LARP1B: variants seen among roughly 807,000 people sequenced by gnomAD.
LARP1B encodes the protein La ribonucleoprotein 1B.
In LARP1B, 76 loss-of-function variants were observed where a neutral mutation model predicts 114.2. The ratio of observed to expected loss-of-function variants is 0.67; its 90% CI spans 0.55 to 0.81. The LOEUF (loss-of-function observed/expected upper bound fraction) is 0.81. Ranked by LOEUF, LARP1B falls within the 30% of genes least tolerant of loss-of-function variation. LARP1B has a pLI of 0.00. For missense variants in LARP1B, 1,014 were observed against 1,075.8 expected (o/e 0.94, Z 0.80); for synonymous variants, 345 against 348.0 (o/e 0.99, Z 0.10).
At chr4:128,123,266 A>AG in intron 11 of LARP1B, 4 of 985,438 alleles carry the variant, frequency 4.1e-6, no homozygotes, top group Non-Finnish European at 4.8e-6. Flanking sequence ...GAGCCTTAGC[A>AG]GTTCTCTGCC....
At chr4:128,216,753 A>G (rs2150982514), downstream of LARP1B, among the ~76,000 whole-genome samples, 1 of 152,122 alleles carries the variant, frequency 6.6e-6, no homozygotes, top group East Asian at 1.9e-4. Flanking sequence ...GCAAGAGCAA[A>G]CACATTCAAA....
intron 12 of LARP1B, among the ~76,000 whole-genome samples, chr4:128,167,342 T>C (rs1211539688): frequency 6.6e-6 from 1 of 152,046 alleles, no homozygotes; most frequent in Admixed American, 6.6e-5. Context: ...CCTTTTCATA[T>C]ACCTGTTGGC....
intron 3 of LARP1B, 54 bp downstream of exon 3, chr4:128,075,047 C>A: frequency 7.1e-6 from 8 of 1,121,120 alleles, no homozygotes; most frequent in South Asian, 1.3e-5. Flanking sequence ...GTATTCATTT[C>A]GACATGCAGA....
At chr4:128,098,543 T>C (rs1340167087) in intron 8 of LARP1B, among the ~76,000 whole-genome samples, 2 of 151,138 alleles carry the variant, frequency 1.3e-5, no homozygotes, top group Non-Finnish European at 2.9e-5. Flanking sequence ...ACTGTGTATT[T>C]TCTCCTTCCC....
intron 11 of LARP1B, chr4:128,123,772 TAAC>T (rs1788725832): frequency 1.1e-6 from 1 of 909,870 alleles, no homozygotes. Flanking sequence ...GTCTGCCAAG[TAAC>T]AAATTTGTAA....
Position 128,098,317 on chromosome 4 carries a change from A to G in LARP1B, c.800A>G (p.Asn267Ser). ...GTTCAGGCTCTCACTACAAACCTTA[A>G]TCTCATCTTAGAGGTAATTGCTCAT... ...QRVQALTTNL[N>S]LILEALKDST... The change falls in exon 8 of 20, where the codon AAT (asparagine) becomes AGT (serine). Residue 267 changes from asparagine to serine, a missense_variant. Transcript: ENST00000326639. 6.2e-7 allele frequency: 1 copy of G among 1,612,198 alleles called. No homozygotes were observed. The highest frequency in any genetic ancestry group is 1.1e-5 in the South Asian group (1 of 90,644).
intron 11 of LARP1B, among the ~76,000 whole-genome samples, chr4:128,152,155 TC>T (rs1733087687): frequency 6.6e-6 from 1 of 152,062 alleles, no homozygotes; most frequent in Non-Finnish European, 1.5e-5. Context: ...TATTTTAGCT[TC>T]CATTGGTGAT....
intron 11 of LARP1B, among the ~76,000 whole-genome samples, chr4:128,157,386 C>A (rs1277003243): frequency 1.3e-5 from 2 of 152,070 alleles, no homozygotes; most frequent in African/African-American, 4.8e-5. Context: ...TAACACATAT[C>A]ATTGGATCCT....
chr4:128,092,998 C>G, intron 7 of LARP1B: 3 of 985,434 alleles, frequency 3.0e-6, no homozygotes, highest in Non-Finnish European at 3.6e-6. Context: ...GACAAAATTT[C>G]TGATCATGCA....
intron 15 of LARP1B, among the ~76,000 whole-genome samples, chr4:128,191,607 G>T (rs537373591): frequency 6.6e-6 from 1 of 152,236 alleles, no homozygotes; most frequent in Non-Finnish European, 1.5e-5. Context: ...TTTGTACCCA[G>T]AAAACTCATG....
In LARP1B at chr4:128,082,236, C is replaced by T. The variant is rs144025629; in HGVS notation, c.289C>T (p.Arg97Trp). The part of the protein sequence containing the change: ...RSESQERPGS[R>W]NSSRCQPEAN... ...AGAGAGTCAAGAAAGACCTGGATCCCGGAACAGCTCAAGATGTCAACCTGA... is the reference window on the plus strand; with the variant it reads ...AGAGAGTCAAGAAAGACCTGGATCCTGGAACAGCTCAAGATGTCAACCTGA... Residue 97 changes from arginine (R) to tryptophan (W), a missense_variant, in exon 5 of 20, where the codon CGG becomes TGG. Transcript: ENST00000326639. 8.1e-6 allele frequency: 13 copies of T among 1,613,058 alleles called. No homozygotes were observed. The highest frequency in any genetic ancestry group is 3.3e-5 in the South Asian group (3 of 91,052).
intron 17 of LARP1B, among the ~76,000 whole-genome samples, chr4:128,201,126 C>T (rs1015977848): frequency 2.0e-5 from 3 of 152,176 alleles, no homozygotes; most frequent in East Asian, 1.9e-4. Context: ...TTTTACAATA[C>T]GGTTTCACCC....
intron 4 of LARP1B, among the ~76,000 whole-genome samples, chr4:128,079,409 T>G (rs1021170277): frequency 3.3e-5 from 5 of 152,010 alleles, no homozygotes; most frequent in African/African-American, 1.2e-4. Context: ...AGTTTGTCTT[T>G]TTAATAAATA....
intron 1 of LARP1B, chr4:128,061,854 C>T (rs1298224518): frequency 1.0e-6 from 1 of 984,754 alleles, no homozygotes; most frequent in Non-Finnish European, 1.2e-6. Context: ...GAGAGGGCCG[C>T]GGCCGCCACT....
At chr4:128,167,076 A>T (rs1741433824) in intron 12 of LARP1B, among the ~76,000 whole-genome samples, 1 of 149,584 alleles carries the variant, frequency 6.7e-6, no homozygotes, top group South Asian at 2.1e-4. Flanking sequence ...ACACACACAC[A>T]CATCACCATT....
At chr4:128,074,677 A>G (rs577709208) in intron 2 of LARP1B, among the ~76,000 whole-genome samples, 159 bp downstream of exon 2, 26 of 152,304 alleles carry the variant, frequency 1.7e-4, no homozygotes, top group African/African-American at 5.5e-4. Context: ...CCAAATCTCT[A>G]TATATGCCTT....
intron 11 of LARP1B, chr4:128,155,834 G>C: frequency 6.4e-7 from 1 of 1,573,814 alleles, no homozygotes; most frequent in East Asian, 2.2e-5. Flanking sequence ...GGGCTGCAGC[G>C]AGAGATCGAG....
rs1303185235 is a variant in LARP1B, at chr4:128,065,305, CTTTCTT to C, written c.-78+3906_-78+3911del. ...TCTTTCTTTCTTTCTTTCTTTCTTTCTTTCTTTCTTTCTCTCTCTCTCTCTCTTTCC... is the reference window on the plus strand; with the variant it reads ...TCTTTCTTTCTTTCTTTCTTTCTTTCTCTTTCTCTCTCTCTCTCTCTTTCC... On this transcript the variant is annotated intron_variant, in intron 1 of 19. Coordinates refer to ENST00000326639, the MANE Select transcript of LARP1B (RefSeq NM_018078.4). Among the ~76,000 whole-genome samples, 5 of 118,174 alleles carry C rather than the reference CTTTCTT, an allele frequency of 4.2e-5. No individual in the cohort carries two copies. In the East Asian group the frequency reaches 6.6e-4, roughly 16 times the overall value. 77.5% of individuals were successfully genotyped at this position (118,174 alleles called of 152,430 possible).
At position 128,089,667 on chromosome 4, in the gene LARP1B, T is replaced by G. The variant is rs549168335; in HGVS notation, c.359-1334T>G. On this transcript the variant is annotated intron_variant, in intron 5 of 19. Transcript: ENST00000326639. ...CTACCTTTTTAAACTTTGTCAACAT[T>G]TCATATTAGAGACATTAAAATATTT... Among the ~76,000 whole-genome samples, 83 of 151,964 alleles carry G rather than the reference T, an allele frequency of 5.5e-4. 1 individual carries two copies. In the South Asian group the frequency reaches 0.016, roughly 30 times the overall value.
Sources: gnomAD v4.1 joint callset for allele counts (sites outside exome capture counted in the v4.1 genomes callset) on GRCh38, gnomAD v4.1.1 for gene constraint, MANE v1.5 for transcripts, NCBI Gene and HGNC (gene_info 2026-07-23, HGNC 2026-07-21) for gene names.